Variants in TMEM45A observed in about 807,000 individuals in gnomAD.
TMEM45A encodes transmembrane protein 45A, also known as DNA polymerase-transactivated protein 4.
Under a neutral mutation model 32.0 loss-of-function variants are expected in TMEM45A, and 25 were observed. That is an observed-to-expected ratio of 0.78 (90% CI 0.57 to 1.09). The LOEUF is 1.09. Among genes scored for constraint, TMEM45A ranks in the 50% least tolerant of loss-of-function variants. The pLI, the probability that TMEM45A is intolerant of heterozygous loss-of-function variation, is 0.00. For missense variants in TMEM45A, 302 were observed against 325.0 expected (o/e 0.93, Z 0.54); for synonymous variants, 122 against 114.8 (o/e 1.06, Z -0.40).
intron 1 of TMEM45A, among the ~76,000 whole-genome samples, chr3:100,518,022 G>A (rs532829702): frequency 1.3e-5 from 2 of 152,300 alleles, no homozygotes; most frequent in African/African-American, 2.4e-5. Flanking sequence ...AGTGGGTTTT[G>A]ATTGGGCGTG....
At chr3:100,526,234 C>T (rs1245052801) in intron 1 of TMEM45A, among the ~76,000 whole-genome samples, 1 of 152,158 alleles carries the variant, frequency 6.6e-6, no homozygotes, top group Non-Finnish European at 1.5e-5. Flanking sequence ...TCACTTTTCA[C>T]CTTTACCTTT....
intron 1 of TMEM45A, chr3:100,519,362 A>T: frequency 1.7e-6 from 1 of 579,862 alleles, no homozygotes; most frequent in East Asian, 2.8e-5. Flanking sequence ...TTTGACATGC[A>T]TACAGGTTGT....
At chr3:100,528,587 T>C (rs1368540939) in intron 1 of TMEM45A, among the ~76,000 whole-genome samples, 1 of 152,134 alleles carries the variant, frequency 6.6e-6, no homozygotes, top group East Asian at 1.9e-4. Flanking sequence ...AGTCAGAACA[T>C]TTTCCGAGAA....
At chr3:100,517,729 A>C (rs931391532) in intron 1 of TMEM45A, among the ~76,000 whole-genome samples, 2 of 152,246 alleles carry the variant, frequency 1.3e-5, no homozygotes, top group Admixed American at 1.3e-4. Flanking sequence ...AAAAGTGAGG[A>C]TAAATGTGAA....
chr3:100,506,623 T>G (rs999323766), intron 1 of TMEM45A, among the ~76,000 whole-genome samples: 1 of 152,238 alleles, frequency 6.6e-6, no homozygotes, highest in Non-Finnish European at 1.5e-5. Flanking sequence ...TTCATGTCTA[T>G]GAGTGTTTCA....
intron 1 of TMEM45A, among the ~76,000 whole-genome samples, chr3:100,501,882 T>C (rs1708012322): frequency 6.6e-6 from 1 of 152,216 alleles, no homozygotes; most frequent in African/African-American, 2.4e-5. Flanking sequence ...AGACTGTGTC[T>C]ATCTCGGACT....
chr3:100,550,320 G>A (rs1706069866), intron 1 of TMEM45A, among the ~76,000 whole-genome samples: 1 of 152,128 alleles, frequency 6.6e-6, no homozygotes, highest in Admixed American at 6.5e-5. Context: ...AAATTTGCAG[G>A]AGAAAGTGCT....
intron 1 of TMEM45A, among the ~76,000 whole-genome samples, chr3:100,554,715 A>G (rs547694032): frequency 2.1e-4 from 32 of 152,368 alleles, no homozygotes; most frequent in Admixed American, 2.6e-4. Flanking sequence ...TTAAACATAA[A>G]GATAAAACTT....
At chr3:100,527,631 C>T (rs970926604) in intron 1 of TMEM45A, among the ~76,000 whole-genome samples, 2 of 152,136 alleles carry the variant, frequency 1.3e-5, no homozygotes, top group Middle Eastern at 3.2e-3. Flanking sequence ...CCATCCTGTC[C>T]TGCAATTTTA....
Position 100,512,672 on chromosome 3 carries a change from T to C in TMEM45A, c.-4+19744T>C, listed in dbSNP as rs771029863. Among the ~76,000 whole-genome samples, 772 of 149,988 alleles carry C rather than the reference T, an allele frequency of 5.1e-3. 5 individuals carry two copies. Among genetic ancestry groups the C allele is most frequent in the Non-Finnish European group, 5.5e-3 (369 of 66,960 alleles). On this transcript the variant is annotated intron_variant, in intron 1 of 5. Coordinates refer to ENST00000323523, the MANE Select transcript of TMEM45A (RefSeq NM_018004.3). ...AGACACAAAAAACCCTTCAAAAAAT[T>C]AATGAATCCAGGAGCTGGTTTTTTG...
intron 1 of TMEM45A, among the ~76,000 whole-genome samples, chr3:100,545,395 G>C (rs988156320): frequency 2.0e-5 from 3 of 152,034 alleles, no homozygotes; most frequent in African/African-American, 7.3e-5. Context: ...CCATGGATTG[G>C]TAATTTATAT....
At chr3:100,566,588 A>G (rs1204903031) in intron 4 of TMEM45A, among the ~76,000 whole-genome samples, 1 of 152,188 alleles carries the variant, frequency 6.6e-6, no homozygotes, top group Admixed American at 6.5e-5. Context: ...TTATCCAGAT[A>G]ATCAAGATTA....
intron 1 of TMEM45A, among the ~76,000 whole-genome samples, chr3:100,515,840 G>A (rs886772266): frequency 1.3e-5 from 2 of 152,134 alleles, no homozygotes; most frequent in Admixed American, 6.6e-5. Context: ...CAGAGGCTGG[G>A]AAGGGTGTGG....
intron 4 of TMEM45A, among the ~76,000 whole-genome samples, chr3:100,566,479 T>G (rs1228390389): frequency 6.6e-6 from 1 of 152,190 alleles, no homozygotes; most frequent in Non-Finnish European, 1.5e-5. Flanking sequence ...TGTCTACCAT[T>G]TATTGGCTAT....
chr3:100,498,495 A>T (rs1707963766), intron 1 of TMEM45A, among the ~76,000 whole-genome samples: 1 of 152,180 alleles, frequency 6.6e-6, no homozygotes, highest in Non-Finnish European at 1.5e-5. Flanking sequence ...TCAGCCTGCT[A>T]GCCTACCCTG....
intron 1 of TMEM45A, among the ~76,000 whole-genome samples, chr3:100,545,041 T>C (rs1705957274): frequency 6.6e-6 from 1 of 152,222 alleles, no homozygotes; most frequent in Admixed American, 6.5e-5. Context: ...TGAGTGTGTA[T>C]TGGTTTTTAT....
In TMEM45A at chr3:100,558,926, C is replaced by A. The variant is rs114978758; in HGVS notation, c.588+337C>A. On this transcript the variant is annotated intron_variant, in intron 4 of 5. Coordinates refer to ENST00000323523, the MANE Select transcript of TMEM45A (RefSeq NM_018004.3). ...AATATATAGAAGGCAGAAAAGAGAGCAAACTGTTATTTATTGAGAAATAAC... is the reference window on the plus strand; with the variant it reads ...AATATATAGAAGGCAGAAAAGAGAGAAAACTGTTATTTATTGAGAAATAAC... 6.3e-3 allele frequency among the ~76,000 whole-genome samples: 960 copies of A among 152,278 alleles called. 5 individuals carry two copies. Among genetic ancestry groups the A allele is most frequent in the Middle Eastern group, 0.014 (4 of 294 alleles).
At chr3:100,532,830 A>G (rs4928110) in intron 1 of TMEM45A, among the ~76,000 whole-genome samples, 39,044 of 152,044 alleles carry the variant, frequency 0.26, 7,065 homozygotes, top group African/African-American at 0.5. Context: ...CAAATGTTAA[A>G]TGGGGAGAAA....
At chr3:100,576,832 A>C in intron 5 of TMEM45A, 93 bp from the exon 6 acceptor site, 2 of 1,012,152 alleles carry the variant, frequency 2.0e-6, no homozygotes, top group Non-Finnish European at 3.0e-6. Context: ...CAGTTGCCCA[A>C]ATAATCTAGA....
Sources: gnomAD v4.1 joint callset for allele counts (sites outside exome capture counted in the v4.1 genomes callset) on GRCh38, gnomAD v4.1.1 for gene constraint, MANE v1.5 for transcripts, NCBI Gene and HGNC (gene_info 2026-07-23, HGNC 2026-07-21) for gene names.